TSPAN12: variants seen among roughly 807,000 people sequenced by gnomAD.
The protein encoded by TSPAN12 is tetraspanin-12.
A neutral mutation model predicts 39.2 loss-of-function variants in TSPAN12; 19 were observed. The observed-to-expected ratio is 0.49, with a 90% CI of 0.34 to 0.71. TSPAN12 has a LOEUF of 0.71. Ranked by LOEUF, TSPAN12 falls within the 30% of genes least tolerant of loss-of-function variation. The pLI is 0.01. For synonymous variants in TSPAN12, 119 were observed against 124.8 expected, an observed-to-expected ratio of 0.95 and a Z score of 0.31; for missense variants, 314 against 359.9, an observed-to-expected ratio of 0.87 and a Z score of 1.03.
chr7:120,831,443 C>T (rs1794388631), intron 4 of TSPAN12, among the ~76,000 whole-genome samples: 1 of 151,962 alleles, frequency 6.6e-6, no homozygotes, highest in Admixed American at 6.6e-5. Flanking sequence ...TCCATATATA[C>T]AACAGAATAC....
intron 4 of TSPAN12, among the ~76,000 whole-genome samples, chr7:120,826,806 T>G (rs1794296558): frequency 6.6e-6 from 1 of 152,110 alleles, no homozygotes; most frequent in Non-Finnish European, 1.5e-5. Context: ...CACTGCAACC[T>G]CCCCATCCCA....
chr7:120,851,866 T>C (rs1794775228), intron 2 of TSPAN12, among the ~76,000 whole-genome samples: 1 of 152,172 alleles, frequency 6.6e-6, no homozygotes, highest in East Asian at 1.9e-4. Context: ...CCAATACTTT[T>C]GTGCCGACCC....
chr7:120,809,821 C>A (rs1342027582), intron 6 of TSPAN12, among the ~76,000 whole-genome samples: 1 of 152,084 alleles, frequency 6.6e-6, no homozygotes, highest in Non-Finnish European at 1.5e-5. Flanking sequence ...ATGCTAAACG[C>A]ACCTATACTT....
chr7:120,809,175 A>G (rs956564727), intron 6 of TSPAN12, among the ~76,000 whole-genome samples: 4 of 152,096 alleles, frequency 2.6e-5, no homozygotes, highest in African/African-American at 9.7e-5. Flanking sequence ...TAACAAATCT[A>G]AAAATAAGTG....
intron 5 of TSPAN12, among the ~76,000 whole-genome samples, chr7:120,810,797 G>T (rs2116365138): frequency 6.6e-6 from 1 of 152,184 alleles, no homozygotes; most frequent in Non-Finnish European, 1.5e-5. Context: ...TAAATGAAGA[G>T]GTATTTTGTA....
intron 2 of TSPAN12, among the ~76,000 whole-genome samples, chr7:120,850,189 T>G (rs1794744631): frequency 6.6e-6 from 1 of 152,222 alleles, no homozygotes; most frequent in African/African-American, 2.4e-5. Context: ...TAGAGCTGAA[T>G]AAATCAGTAT....
At chr7:120,815,991 C>G (rs1184730128) in intron 4 of TSPAN12, among the ~76,000 whole-genome samples, 188 bp from the exon 5 acceptor site, 1 of 152,142 alleles carries the variant, frequency 6.6e-6, no homozygotes, top group African/African-American at 2.4e-5. Context: ...TAATATTCAT[C>G]TCAGTGAGCC....
chr7:120,811,831 C>T (rs887818218), intron 5 of TSPAN12, among the ~76,000 whole-genome samples: 2 of 151,960 alleles, frequency 1.3e-5, no homozygotes, highest in Non-Finnish European at 2.9e-5. Context: ...TTTTCTCACT[C>T]GTATGTGGGA....
At chr7:120,817,534 C>G (rs547362476) in intron 4 of TSPAN12, among the ~76,000 whole-genome samples, 1 of 152,270 alleles carries the variant, frequency 6.6e-6, no homozygotes, top group African/African-American at 2.4e-5. Context: ...TCCTGTGAAA[C>G]AGATAAGGCT....
At chr7:120,789,213 A>G (rs1289320111) in intron 7 of TSPAN12, among the ~76,000 whole-genome samples, 1 of 152,126 alleles carries the variant, frequency 6.6e-6, no homozygotes. Context: ...TTTTTTAGAG[A>G]GACAGATAGT....
intron 2 of TSPAN12, among the ~76,000 whole-genome samples, chr7:120,845,562 A>T (rs973331080): frequency 5.9e-5 from 9 of 152,206 alleles, no homozygotes; most frequent in Non-Finnish European, 1.3e-4. Context: ...GTTCTGCCAG[A>T]TTACCCTAAA....
chr7:120,836,519 C>T (rs563132581), intron 4 of TSPAN12, among the ~76,000 whole-genome samples: 361 of 152,326 alleles, frequency 2.4e-3, no homozygotes, highest in Non-Finnish European at 4.0e-3. Context: ...AATCTATGCT[C>T]ATCATCTTCC....
intron 7 of TSPAN12, among the ~76,000 whole-genome samples, chr7:120,794,612 T>G (rs953559353): frequency 2.0e-5 from 3 of 152,240 alleles, no homozygotes; most frequent in Non-Finnish European, 4.4e-5. Flanking sequence ...CTGTACAGCC[T>G]GCAGAACTTA....
At chr7:120,802,946 T>C (rs1033463803) in intron 7 of TSPAN12, among the ~76,000 whole-genome samples, 3 of 152,206 alleles carry the variant, frequency 2.0e-5, no homozygotes, top group African/African-American at 7.2e-5. Flanking sequence ...GAATGATTTA[T>C]TTCCTTGACT....
intron 4 of TSPAN12, among the ~76,000 whole-genome samples, chr7:120,819,375 G>A (rs1419727778): frequency 6.6e-6 from 1 of 152,044 alleles, no homozygotes; most frequent in Non-Finnish European, 1.5e-5. Context: ...ATGATTGGTG[G>A]GGAGGGGCTA....
chr7:120,813,121 T>C (rs573267526), intron 5 of TSPAN12, among the ~76,000 whole-genome samples: 1 of 152,310 alleles, frequency 6.6e-6, no homozygotes, highest in East Asian at 1.9e-4. Context: ...GTTCCTTGCA[T>C]GGAACAGCTA....
intron 7 of TSPAN12, among the ~76,000 whole-genome samples, chr7:120,794,301 T>A (rs1445355237): frequency 1.3e-5 from 2 of 152,318 alleles, no homozygotes; most frequent in African/African-American, 2.4e-5. Flanking sequence ...GGCGTTGATA[T>A]AATTAGTACA....
intron 2 of TSPAN12, among the ~76,000 whole-genome samples, chr7:120,853,042 A>C (rs1196770346): frequency 6.6e-6 from 1 of 152,078 alleles, no homozygotes; most frequent in Non-Finnish European, 1.5e-5. Context: ...GTTTCCCTAA[A>C]ATTAGCCTAT....
At chr7:120,818,075 T>G (rs760395802) in intron 4 of TSPAN12, among the ~76,000 whole-genome samples, 1 of 152,096 alleles carries the variant, frequency 6.6e-6, no homozygotes, top group Non-Finnish European at 1.5e-5. Flanking sequence ...GAAGCAATGC[T>G]GTTAAGACTT....
Sources: allele counts gnomAD v4.1 joint callset (sites outside exome capture counted in the v4.1 genomes callset), GRCh38; gene constraint gnomAD v4.1.1; transcripts MANE v1.5; gene names NCBI Gene and HGNC (gene_info 2026-07-23, HGNC 2026-07-21).